The following SP140L variants were observed in gnomAD, a reference collection of about 807,000 sequenced individuals.
The protein encoded by SP140L is nuclear body protein SP140-like protein.
SP140L carries 64 observed loss-of-function variants against 84.3 expected under a neutral mutation model. The observed-to-expected ratio is 0.76, with a 90% confidence interval of 0.62 to 0.94. The LOEUF (loss-of-function observed/expected upper bound fraction) is 0.94. Among genes scored for constraint, SP140L ranks in the 40% least tolerant of loss-of-function variants. The pLI, the probability that SP140L is intolerant of heterozygous loss-of-function variation, is 0.00. For synonymous variants in SP140L, 242 were observed against 236.9 expected, an observed-to-expected ratio of 1.02 and a Z score of -0.20; for missense variants, 628 against 692.5, an observed-to-expected ratio of 0.91 and a Z score of 1.05.
At chr2:230,402,598 T>G (rs2062401376) in intron 18 of SP140L, among the ~76,000 whole-genome samples, 200 bp from the exon 19 acceptor site, 1 of 152,214 alleles carries the variant, frequency 6.6e-6, no homozygotes, top group Non-Finnish European at 1.5e-5. Flanking sequence ...ATGAATATGT[T>G]AATTAGTTTG....
intron 2 of SP140L, among the ~76,000 whole-genome samples, chr2:230,337,831 T>A (rs901026992): frequency 6.6e-6 from 1 of 152,128 alleles, no homozygotes; most frequent in South Asian, 2.1e-4. Context: ...TTCTGAGGGC[T>A]CTGTTCTGTT....
chr2:230,397,542 T>A (rs1181698371), intron 14 of SP140L, among the ~76,000 whole-genome samples: 1 of 152,186 alleles, frequency 6.6e-6, no homozygotes, highest in Non-Finnish European at 1.5e-5. Flanking sequence ...CTGCTTTGGG[T>A]TCTGCTGAAA....
chr2:230,328,847 A>G lies in SP140L; in HGVS notation c.107+16A>G. 6.2e-7 allele frequency: 1 copy of G among 1,600,258 alleles called. No individual in the cohort carries two copies. Among genetic ancestry groups the G allele is most frequent in the Non-Finnish European group, 8.5e-7 (1 of 1,172,884 alleles). On this transcript the variant is annotated intron_variant, in intron 2 of 18. Coordinates refer to ENST00000415673, the MANE Select transcript of SP140L (RefSeq NM_138402.6). ...GTCTGCAAAGGTGATGAAGAATTAC[A>G]ATTTGTTTTAATTTGTATTTTCCTG... is the stretch of plus-strand genomic sequence containing the variant.
At chr2:230,392,789 A>G (rs201167889) in intron 12 of SP140L, among the ~76,000 whole-genome samples, 3 of 152,322 alleles carry the variant, frequency 2.0e-5, no homozygotes, top group Non-Finnish European at 4.4e-5. Flanking sequence ...TTTAGACAGC[A>G]ATGGGGCTTT....
intron 9 of SP140L, among the ~76,000 whole-genome samples, chr2:230,385,653 A>G (rs1055503083): frequency 3.3e-5 from 5 of 152,266 alleles, no homozygotes; most frequent in African/African-American, 1.2e-4. Context: ...CTCCTCCTAG[A>G]TAAGTTATTT....
chr2:230,376,545 AC>A (rs1311183476), intron 7 of SP140L, among the ~76,000 whole-genome samples: 2 of 152,198 alleles, frequency 1.3e-5, no homozygotes, highest in African/African-American at 4.8e-5. Context: ...TTGCACACTG[AC>A]AACTATGACA....
rs750430848 is a variant in SP140L, at chr2:230,402,834, G to T, written c.1681G>T (p.Ala561Ser). The change falls in exon 19 of 19, where the codon GCT becomes TCT. Residue 561 changes from alanine (A) to serine (S), a missense_variant. Physicochemically the swap from Ala to Ser is moderately conservative, Grantham distance 99. Coordinates refer to ENST00000415673, the MANE Select transcript of SP140L (RefSeq NM_138402.6). ...TGGCCAAATGGGACTTAGACTGGAG[G>T]CTGAATTTGAGAAGGATTTCAAGGA... Reference protein sequence around the residue: ...DFGQMGLRLEAEFEKDFKEVF... With the variant: ...DFGQMGLRLESEFEKDFKEVF... The T allele has an allele frequency of 1.9e-6, 3 of 1,612,952 alleles. No homozygotes were observed. The highest frequency in any genetic ancestry group is 2.5e-6 in the Non-Finnish European group (3 of 1,179,702).
intron 5 of SP140L, among the ~76,000 whole-genome samples, chr2:230,369,918 C>CAT (rs1187569799): frequency 6.7e-5 from 10 of 149,198 alleles, no homozygotes; most frequent in Non-Finnish European, 1.2e-4. Flanking sequence ...GGATTACAGG[C>CAT]GCACGCCACC....
chr2:230,391,499 T>G (rs2061803145), intron 11 of SP140L, among the ~76,000 whole-genome samples: 1 of 152,256 alleles, frequency 6.6e-6, no homozygotes, highest in South Asian at 2.1e-4. Context: ...ATATATAACT[T>G]AATTTTTCTA....
intron 2 of SP140L, among the ~76,000 whole-genome samples, chr2:230,346,513 T>C (rs2060213461): frequency 6.6e-6 from 1 of 152,208 alleles, no homozygotes; most frequent in Non-Finnish European, 1.5e-5. Context: ...TTTCCATAAT[T>C]TGTATGTTGT....
At chr2:230,343,384 C>T (rs1162130721) in intron 2 of SP140L, among the ~76,000 whole-genome samples, 1 of 147,858 alleles carries the variant, frequency 6.8e-6, no homozygotes, top group Non-Finnish European at 1.5e-5. Context: ...ACTTCCAATT[C>T]CATCCATGTC....
At chr2:230,359,240 A>T in intron 4 of SP140L, 108 bp downstream of exon 4, 1 of 964,530 alleles carries the variant, frequency 1.0e-6, no homozygotes, top group South Asian at 1.5e-5. Flanking sequence ...CAGTGGGCAT[A>T]GAGTAGTTAA....
intron 2 of SP140L, among the ~76,000 whole-genome samples, chr2:230,354,705 C>T (rs1024049721): frequency 7.5e-6 from 1 of 133,676 alleles, no homozygotes; most frequent in African/African-American, 2.7e-5. Context: ...AGCCCAGGAG[C>T]TTGAGGCTGC....
chr2:230,356,937 T>C (rs1260073597), intron 2 of SP140L, among the ~76,000 whole-genome samples: 2 of 152,294 alleles, frequency 1.3e-5, no homozygotes, highest in East Asian at 3.9e-4. Context: ...TAATGCGACA[T>C]TGTTTCCTGC....
intron 2 of SP140L, among the ~76,000 whole-genome samples, chr2:230,333,933 C>T (rs746092318): frequency 6.6e-6 from 1 of 152,078 alleles, no homozygotes; most frequent in Non-Finnish European, 1.5e-5. Flanking sequence ...GTTGTTGTTT[C>T]AAGAAATCCA....
intron 2 of SP140L, among the ~76,000 whole-genome samples, chr2:230,334,416 G>A (rs536841441): frequency 5.3e-5 from 8 of 152,214 alleles, no homozygotes; most frequent in African/African-American, 1.9e-4. Context: ...TCTATTACAG[G>A]TGGTTTCATG....
chr2:230,371,723 T>C, intron 7 of SP140L, 72 bp downstream of exon 7: 1 of 1,329,314 alleles, frequency 7.5e-7, no homozygotes, highest in African/African-American at 1.5e-5. Context: ...TTTCTTTTTG[T>C]CATTGTTACT....
chr2:230,327,340 G>C, intron 1 of SP140L, 39 bp downstream of exon 1: 1 of 1,597,356 alleles, frequency 6.3e-7, no homozygotes, highest in Non-Finnish European at 8.5e-7. Flanking sequence ...TTTATCTCTG[G>C]CAGTATTGGA....
At chr2:230,382,336 G>T (rs770981870) in intron 7 of SP140L, among the ~76,000 whole-genome samples, 1 of 152,072 alleles carries the variant, frequency 6.6e-6, no homozygotes, top group Non-Finnish European at 1.5e-5. Flanking sequence ...TTTCCTTCTG[G>T]ACAAAGGATC....
Sources: allele counts gnomAD v4.1 joint callset (sites outside exome capture counted in the v4.1 genomes callset), GRCh38; gene constraint gnomAD v4.1.1; transcripts MANE v1.5; gene names NCBI Gene and HGNC (gene_info 2026-07-23, HGNC 2026-07-21).